The following ZMYM2 variants were observed in gnomAD, a reference collection of about 807,000 sequenced individuals.
The protein encoded by ZMYM2 is zinc finger MYM-type protein 2.
ZMYM2 carries 56 observed loss-of-function variants against 162.8 expected under a neutral mutation model. The ratio of observed to expected loss-of-function variants is 0.34; its 90% CI spans 0.28 to 0.43. ZMYM2 has a LOEUF of 0.43. Among genes scored for constraint, ZMYM2 ranks in the 20% least tolerant of loss-of-function variants. ZMYM2 has a pLI of 1.00. For missense variants in ZMYM2, 1,275 were observed against 1,621.8 expected (o/e 0.79, Z 3.67); for synonymous variants, 510 against 541.6 (o/e 0.94, Z 0.81).
At chr13:20,065,820 C>T (rs1052595016) in intron 19 of ZMYM2, among the ~76,000 whole-genome samples, 2 of 151,858 alleles carry the variant, frequency 1.3e-5, no homozygotes, top group African/African-American at 2.4e-5. Flanking sequence ...GGGGAGATAC[C>T]GTGATTACAA....
chr13:20,003,041 C>T lies in ZMYM2; in HGVS notation c.1039C>T (p.Arg347Ter). 1 of 1,614,184 alleles carries T rather than the reference C, an allele frequency of 6.2e-7. No homozygotes were observed. The highest frequency in any genetic ancestry group is 8.5e-7 in the Non-Finnish European group (1 of 1,180,030). The change falls in exon 4 of 25, where the codon CGA (arginine) becomes TGA (stop). Residue 347 changes from arginine (R) to a stop codon, truncating the protein, a stop_gained. Coordinates refer to ENST00000610343, the MANE Select transcript of ZMYM2 (RefSeq NM_197968.4). LOFTEE classifies it high-confidence loss of function. ...PLQKGQTAYQRKGSAHLFCST... is the reference protein window; with the variant it reads ...PLQKGQTAYQ ...ACAGAAGGGCCAGACAGCTTATCAACGAAAAGGATCAGCTCACCTCTTTTG... is the reference window on the plus strand; with the variant it reads ...ACAGAAGGGCCAGACAGCTTATCAATGAAAAGGATCAGCTCACCTCTTTTG...
At chr13:19,958,096 C>T (rs1019761628), upstream of ZMYM2, among the ~76,000 whole-genome samples, 41 of 152,220 alleles carry the variant, frequency 2.7e-4, no homozygotes, top group Non-Finnish European at 1.5e-4. Context: ...GGGACTATTC[C>T]CCACGGGGCG....
At chr13:19,892,295 G>A in the ZMYM2 span, among the ~76,000 whole-genome samples, 14 of 149,690 alleles carry the variant, frequency 9.4e-5, 2 homozygotes, top group African/African-American at 1.5e-4. Flanking sequence ...TTTTTGAGAC[G>A]GAGTCTCACT....
chr13:20,083,143 A>T (rs1383137663), intron 23 of ZMYM2, 111 bp downstream of exon 23: 1 of 1,163,934 alleles, frequency 8.6e-7, no homozygotes, highest in Non-Finnish European at 1.2e-6. Context: ...GCTCACCGCA[A>T]CCTCTACCTC....
intron 23 of ZMYM2, 65 bp from the exon 24 acceptor site, chr13:20,083,591 G>C (rs111947007): frequency 3.2e-6 from 4 of 1,258,764 alleles, no homozygotes; most frequent in African/African-American, 3.0e-5. Flanking sequence ...ACAGACACTA[G>C]GAGTGATGTT....
At chr13:19,994,052 C>A in intron 3 of ZMYM2, 133 bp downstream of exon 3, 2 of 1,115,686 alleles carry the variant, frequency 1.8e-6, no homozygotes, top group South Asian at 1.9e-5. Flanking sequence ...TGAATTTTAT[C>A]TTAAGTTTGG....
intron 2 of ZMYM2, among the ~76,000 whole-genome samples, chr13:19,960,507 T>C (rs1043628643): frequency 5.9e-5 from 9 of 152,222 alleles, no homozygotes; most frequent in South Asian, 2.1e-4. Context: ...TTGACACTTA[T>C]GGCTCATGAG....
chr13:19,864,701 T>G, the ZMYM2 span: 1 of 152,204 alleles, frequency 6.6e-6, no homozygotes, highest in Non-Finnish European at 1.5e-5. Flanking sequence ...GAATGGTTGA[T>G]GGAGACTCCA....
At chr13:19,889,999 T>C in the ZMYM2 span, among the ~76,000 whole-genome samples, 1 of 151,850 alleles carries the variant, frequency 6.6e-6, no homozygotes, top group Non-Finnish European at 1.5e-5. Context: ...CTAACTAGAT[T>C]GGAAATACAC....
chr13:19,921,470 C>T, the ZMYM2 span, among the ~76,000 whole-genome samples: 2 of 152,040 alleles, frequency 1.3e-5, no homozygotes, highest in African/African-American at 4.8e-5. Flanking sequence ...TTTTGCTTTG[C>T]TTTTTCATTG....
At chr13:19,919,682 T>C in the ZMYM2 span, among the ~76,000 whole-genome samples, 163 of 5,276 alleles carry the variant, frequency 0.031, no homozygotes, top group Admixed American at 0.045. Flanking sequence ...TTCTTTTTCT[T>C]TTTTTTTTTT....
Position 20,030,460 on chromosome 13 carries a change from G to A in ZMYM2, c.1852-859G>A, listed in dbSNP as rs1354575217. 3.3e-5 allele frequency among the ~76,000 whole-genome samples: 5 copies of A among 149,862 alleles called. No homozygotes were observed. In the East Asian group the frequency reaches 5.9e-4, roughly 18 times the overall value. ...GTCGCCCAGGCTGGAGTGCAGTGGC[G>A]TGATCTCGGCTCACTGCAAGCTCCA... On this transcript the variant is annotated intron_variant, in intron 9 of 24. Transcript: ENST00000610343.
intron 12 of ZMYM2, among the ~76,000 whole-genome samples, chr13:20,046,689 A>G (rs1469855110): frequency 4.7e-5 from 7 of 149,576 alleles, no homozygotes; most frequent in Non-Finnish European, 8.9e-5. Context: ...ATATGTATAT[A>G]TGTGTGTGTG....
chr13:19,975,867 T>TGTATGTAC (rs1566193403), intron 2 of ZMYM2, among the ~76,000 whole-genome samples: 1 of 125,484 alleles, frequency 8.0e-6, no homozygotes, highest in Non-Finnish European at 1.7e-5. Context: ...TTAAAATGTA[T>TGTATGTAC]GTATGTATGT....
intron 10 of ZMYM2, among the ~76,000 whole-genome samples, chr13:20,031,865 G>GTTTTTTTTTTTTTTTTTTTTTTTTTTTTT (rs10642086): frequency 1.5e-5 from 2 of 130,274 alleles, no homozygotes; most frequent in Non-Finnish European, 1.5e-5. Flanking sequence ...TTCTGTAATT[G>GTTTTTTTTTTTTTTTTTTTTTTTTTTTTT]TTTTTTTTTT....
chr13:20,027,386 T>C, intron 9 of ZMYM2, 68 bp downstream of exon 9: 1 of 1,168,122 alleles, frequency 8.6e-7, no homozygotes, highest in Non-Finnish European at 1.2e-6. Context: ...CAGTGTAATA[T>C]AATATGCTTT....
intron 7 of ZMYM2, among the ~76,000 whole-genome samples, chr13:20,020,954 C>G (rs917485953): frequency 6.0e-5 from 9 of 150,482 alleles, no homozygotes; most frequent in African/African-American, 1.9e-4. Context: ...TATAATAGTT[C>G]TTTTAACATC....
At chr13:20,018,491 C>T (rs776159563) in intron 6 of ZMYM2, among the ~76,000 whole-genome samples, 2 of 152,162 alleles carry the variant, frequency 1.3e-5, no homozygotes, top group African/African-American at 4.8e-5. Context: ...ACTTTCCTCT[C>T]ACCCCCTTTG....
the ZMYM2 span, among the ~76,000 whole-genome samples, chr13:19,919,599 T>G: frequency 1.6e-4 from 25 of 152,332 alleles, no homozygotes; most frequent in Admixed American, 1.3e-4. Flanking sequence ...TGGCTAGTGA[T>G]GTTGAACACT....
Sources: gnomAD v4.1 joint callset for allele counts (sites outside exome capture counted in the v4.1 genomes callset) on GRCh38, gnomAD v4.1.1 for gene constraint, MANE v1.5 for transcripts, NCBI Gene and HGNC (gene_info 2026-07-23, HGNC 2026-07-21) for gene names.